The following CAMK1D variants were observed in gnomAD, a reference collection of about 807,000 sequenced individuals.
CAMK1D encodes calcium/calmodulin dependent protein kinase ID.
A neutral mutation model predicts 47.7 loss-of-function variants in CAMK1D; 9 were observed. That is an observed-to-expected ratio of 0.19 (90% CI 0.11 to 0.33). CAMK1D has a LOEUF of 0.33. Ranked by LOEUF, CAMK1D falls within the 10% of genes least tolerant of loss-of-function variation. The pLI, the probability that CAMK1D is intolerant of heterozygous loss-of-function variation, is 1.00. For missense variants in CAMK1D, 291 were observed against 488.7 expected (o/e 0.60, Z 3.81); for synonymous variants, 184 against 184.9 (o/e 0.99, Z 0.04).
intron 1 of CAMK1D, among the ~76,000 whole-genome samples, chr10:12,414,623 T>A (rs925007378): frequency 6.6e-6 from 1 of 152,234 alleles, no homozygotes; most frequent in Non-Finnish European, 1.5e-5. Flanking sequence ...TGTAGGCACC[T>A]TTCTGAAAAT....
rs1355576897 is a variant in CAMK1D, at chr10:12,834,329, C to T, written c.*5442C>T. 1 of 152,308 alleles carries T rather than the reference C, an allele frequency of 6.6e-6. No homozygotes were observed. Among genetic ancestry groups the T allele is most frequent in the Non-Finnish European group, 1.5e-5 (1 of 68,106 alleles). The allele number at this position is 152,308 out of a possible 1,614,324, so 9.4% of individuals were successfully genotyped here. ...AGGCCCGGCCACCTCCCGATGCCTC[C>T]AGAGTCAGTGGGAAGGAGTCAGCCC... On this transcript the variant is annotated 3_prime_UTR_variant, in exon 11 of 11. Transcript: ENST00000619168.
chr10:12,702,652 C>G (rs1833570361), intron 3 of CAMK1D, among the ~76,000 whole-genome samples: 1 of 152,138 alleles, frequency 6.6e-6, no homozygotes, highest in Admixed American at 6.5e-5. Flanking sequence ...TATGATGATC[C>G]CAGTTTTACA....
chr10:12,389,869 A>G (rs138245156), intron 1 of CAMK1D, among the ~76,000 whole-genome samples: 3 of 151,390 alleles, frequency 2.0e-5, no homozygotes, highest in Admixed American at 2.0e-4. Flanking sequence ...GTCTGCATTT[A>G]GGTCAGTGGA....
chr10:12,608,831 G>A (rs988989116), intron 2 of CAMK1D, among the ~76,000 whole-genome samples: 1 of 152,188 alleles, frequency 6.6e-6, no homozygotes, highest in Non-Finnish European at 1.5e-5. Flanking sequence ...TTGGCCCTTC[G>A]GCATTCATGT....
chr10:12,554,980 T>C (rs1326329420), intron 2 of CAMK1D, among the ~76,000 whole-genome samples: 2 of 152,244 alleles, frequency 1.3e-5, no homozygotes, highest in Non-Finnish European at 2.9e-5. Context: ...CAAGCCCTTG[T>C]ATGGTACCTG....
At chr10:12,557,856 G>A (rs1434089318) in intron 2 of CAMK1D, among the ~76,000 whole-genome samples, 3 of 152,190 alleles carry the variant, frequency 2.0e-5, no homozygotes, top group East Asian at 1.9e-4. Context: ...TTTATGCTGA[G>A]TTTATTGTAG....
intron 1 of CAMK1D, among the ~76,000 whole-genome samples, chr10:12,350,445 C>A (rs1047711618): frequency 3.9e-5 from 6 of 152,368 alleles, no homozygotes; most frequent in African/African-American, 1.4e-4. Context: ...AAGGGCTTCG[C>A]AGTGCTCAGG....
rs3995677 is a variant in CAMK1D at position 12,830,926 on chromosome 10, A to AAC, written c.*2077_*2078dup. 3,790 of 103,780 alleles carry AAC rather than the reference A, an allele frequency of 0.037. 74 individuals are homozygous for AAC. The highest frequency in any genetic ancestry group is 0.052 in the Middle Eastern group (10 of 194). 6.4% of individuals were successfully genotyped at this position (103,780 alleles called of 1,614,324 possible). ...GTGATGCCCCCCCACCCTCTCAATA[A>AAC]ACACACACACACACACACACACACA... is the stretch of plus-strand genomic sequence containing the variant. On this transcript the variant is annotated 3_prime_UTR_variant, in exon 11 of 11. Coordinates refer to ENST00000619168, the MANE Select transcript of CAMK1D (RefSeq NM_153498.4).
intron 1 of CAMK1D, among the ~76,000 whole-genome samples, chr10:12,468,358 G>A (rs1189352736): frequency 2.0e-5 from 3 of 152,148 alleles, no homozygotes; most frequent in Non-Finnish European, 4.4e-5. Context: ...CACTGAGCCC[G>A]GCCTCAAATA....
intron 3 of CAMK1D, among the ~76,000 whole-genome samples, chr10:12,675,579 T>A (rs760035214): frequency 6.6e-6 from 1 of 152,168 alleles, no homozygotes; most frequent in South Asian, 2.1e-4. Flanking sequence ...ACACAACCAC[T>A]TTTCCTCGTC....
intron 4 of CAMK1D, among the ~76,000 whole-genome samples, chr10:12,764,731 C>G (rs375717201): frequency 6.6e-6 from 1 of 152,188 alleles, no homozygotes; most frequent in Non-Finnish European, 1.5e-5. Context: ...CTTTATGATT[C>G]GAGCATTCCC....
At chr10:12,487,291 C>T (rs756807051) in intron 1 of CAMK1D, among the ~76,000 whole-genome samples, 28 of 152,136 alleles carry the variant, frequency 1.8e-4, no homozygotes, top group Admixed American at 6.6e-4. Context: ...GTCTCTTTAT[C>T]GGGTTTCCTC....
At chr10:12,695,029 T>TAGAC (rs1564499778) in intron 3 of CAMK1D, among the ~76,000 whole-genome samples, 1 of 93,458 alleles carries the variant, frequency 1.1e-5, no homozygotes, top group African/African-American at 3.7e-5. Context: ...TCTCGATAGA[T>TAGAC]AGATAGATAG....
intron 3 of CAMK1D, among the ~76,000 whole-genome samples, chr10:12,714,710 C>T (rs1004923458): frequency 6.6e-6 from 1 of 150,856 alleles, no homozygotes; most frequent in African/African-American, 2.4e-5. Context: ...CAGAGCAAGA[C>T]TCCAACTCAA....
At chr10:12,820,680 A>G (rs1832983952) in intron 8 of CAMK1D, among the ~76,000 whole-genome samples, 1 of 152,184 alleles carries the variant, frequency 6.6e-6, no homozygotes, top group Non-Finnish European at 1.5e-5. Flanking sequence ...CTTAGCCCCC[A>G]AACAGACCAC....
intron 2 of CAMK1D, among the ~76,000 whole-genome samples, chr10:12,621,181 C>T (rs1838986168): frequency 6.6e-6 from 1 of 152,230 alleles, no homozygotes; most frequent in South Asian, 2.1e-4. Context: ...ACCACACTGT[C>T]TGATTACTGT....
chr10:12,769,107 G>A (rs1426357097), intron 4 of CAMK1D, among the ~76,000 whole-genome samples: 1 of 152,196 alleles, frequency 6.6e-6, no homozygotes, highest in East Asian at 1.9e-4. Flanking sequence ...TGGAAGTGCT[G>A]CGTCTTCCAA....
intron 5 of CAMK1D, among the ~76,000 whole-genome samples, chr10:12,778,830 A>G (rs1205573947): frequency 6.6e-6 from 1 of 152,084 alleles, no homozygotes; most frequent in Non-Finnish European, 1.5e-5. Flanking sequence ...CTATAAGCAC[A>G]CCACTGCACT....
chr10:12,407,111 C>G (rs1385347818), intron 1 of CAMK1D, among the ~76,000 whole-genome samples: 2 of 152,142 alleles, frequency 1.3e-5, no homozygotes, highest in Non-Finnish European at 2.9e-5. Flanking sequence ...TGTAAAATGC[C>G]CCTCTCATCT....
Sources: gnomAD v4.1 joint callset for allele counts (sites outside exome capture counted in the v4.1 genomes callset) on GRCh38, gnomAD v4.1.1 for gene constraint, MANE v1.5 for transcripts, NCBI Gene and HGNC (gene_info 2026-07-23, HGNC 2026-07-21) for gene names.